The following SPMIP3 variants were observed in gnomAD, a reference collection of about 807,000 sequenced individuals.
The protein encoded by SPMIP3 is sperm microtubule inner protein 3, also known as protein SPMIP3.
chr1:244,388,846 C>T, the SPMIP3 span: 1 of 860,846 alleles, frequency 1.2e-6, no homozygotes. Flanking sequence ...TGTCTTAAAC[C>T]CCAAAAGTTA....
the SPMIP3 span, among the ~76,000 whole-genome samples, chr1:244,362,843 CTTTT>C: frequency 2.6e-5 from 3 of 117,562 alleles, no homozygotes; most frequent in Admixed American, 9.7e-5. Flanking sequence ...TCCCTGTGAA[CTTTT>C]TTTTTTTTTT....
chr1:244,386,541 T>A, the SPMIP3 span, among the ~76,000 whole-genome samples: 12,741 of 152,234 alleles, frequency 0.084, 1,146 homozygotes, highest in East Asian at 0.42. Context: ...CCTGCAAGGA[T>A]CATGAGGAGT....
At chr1:244,370,739 C>G in the SPMIP3 span, among the ~76,000 whole-genome samples, 6,557 of 152,232 alleles carry the variant, frequency 0.043, 174 homozygotes, top group Non-Finnish European at 0.061. Context: ...CTTATTAAAA[C>G]AAATCATCAC....
the SPMIP3 span, among the ~76,000 whole-genome samples, chr1:244,354,452 T>G: frequency 2.0e-5 from 3 of 151,448 alleles, no homozygotes; most frequent in Non-Finnish European, 4.4e-5. Context: ...CACCTCCTGG[T>G]TCAAACGATT....
At chr1:244,365,456 T>C in the SPMIP3 span, among the ~76,000 whole-genome samples, 1 of 152,344 alleles carries the variant, frequency 6.6e-6, no homozygotes, top group East Asian at 1.9e-4. Flanking sequence ...CCTGCCGCCA[T>C]GGAAGACATG....
At chr1:244,367,137 A>G in the SPMIP3 span, among the ~76,000 whole-genome samples, 3 of 152,086 alleles carry the variant, frequency 2.0e-5, no homozygotes, top group Non-Finnish European at 4.4e-5. Flanking sequence ...TGATTCATGA[A>G]AGAAGCCATG....
the SPMIP3 span, among the ~76,000 whole-genome samples, chr1:244,381,230 A>G: frequency 4.2e-3 from 642 of 152,194 alleles, 5 homozygotes; most frequent in African/African-American, 0.014. Flanking sequence ...GAAAGCATCA[A>G]TGGGGTTCCG....
chr1:244,374,760 C>G, the SPMIP3 span, among the ~76,000 whole-genome samples: 1 of 150,444 alleles, frequency 6.6e-6, no homozygotes, highest in African/African-American at 2.4e-5. Context: ...CCACGTCCAG[C>G]TTTTTTTTTG....
chr1:244,374,590 T>C, the SPMIP3 span, among the ~76,000 whole-genome samples: 1 of 115,038 alleles, frequency 8.7e-6, no homozygotes, highest in African/African-American at 4.0e-5. Flanking sequence ...CATTTCTCTT[T>C]TTTTTTTTTT....
At chr1:244,377,123 A>AT in the SPMIP3 span, among the ~76,000 whole-genome samples, 211 of 145,628 alleles carry the variant, frequency 1.4e-3, 1 homozygote, top group East Asian at 0.021. Context: ...GCATCACTTT[A>AT]TTTTTATTTT....
At chr1:244,354,305 A>T in the SPMIP3 span, among the ~76,000 whole-genome samples, 1 of 151,670 alleles carries the variant, frequency 6.6e-6, no homozygotes, top group Admixed American at 6.6e-5. Flanking sequence ...TTTGCTAAGT[A>T]ACTGTTACTG....
At chr1:244,354,697 T>C in the SPMIP3 span, among the ~76,000 whole-genome samples, 144 of 152,330 alleles carry the variant, frequency 9.5e-4, no homozygotes, top group African/African-American at 3.4e-3. Flanking sequence ...TTTCCTATCA[T>C]AAAAAGAGAT....
the SPMIP3 span, among the ~76,000 whole-genome samples, chr1:244,370,494 C>T: frequency 6.6e-6 from 1 of 152,192 alleles, no homozygotes; most frequent in Non-Finnish European, 1.5e-5. Flanking sequence ...CTTTCCTGAC[C>T]AGATTATGAA....
chr1:244,362,100 T>C, the SPMIP3 span, among the ~76,000 whole-genome samples: 1 of 152,252 alleles, frequency 6.6e-6, no homozygotes, highest in Non-Finnish European at 1.5e-5. Flanking sequence ...TATTCCATTA[T>C]AGTGTAATGC....
chr1:244,369,592 G>A, the SPMIP3 span, among the ~76,000 whole-genome samples: 6 of 152,174 alleles, frequency 3.9e-5, no homozygotes, highest in South Asian at 2.1e-4. Context: ...AGAGGGAGTC[G>A]CAGTGGGTCT....
the SPMIP3 span, among the ~76,000 whole-genome samples, chr1:244,360,507 TATACAC>T: frequency 0.026 from 336 of 12,860 alleles, 7 homozygotes; most frequent in Admixed American, 0.1. Context: ...GAAAACGTGA[TATACAC>T]ACACACACAC....
At chr1:244,356,291 G>C in the SPMIP3 span, among the ~76,000 whole-genome samples, 12 of 152,192 alleles carry the variant, frequency 7.9e-5, no homozygotes, top group South Asian at 2.5e-3. Context: ...ATCAGATTGA[G>C]AAGGTTCCCC....
At chr1:244,372,277 C>G in the SPMIP3 span, among the ~76,000 whole-genome samples, 1 of 152,140 alleles carries the variant, frequency 6.6e-6, no homozygotes, top group East Asian at 1.9e-4. Context: ...GCTTCTTAGT[C>G]AGCTTTGTAT....
At chr1:244,377,312 G>A in the SPMIP3 span, among the ~76,000 whole-genome samples, 14 of 151,968 alleles carry the variant, frequency 9.2e-5, no homozygotes, top group Admixed American at 2.0e-4. Flanking sequence ...TTTTAGTAGA[G>A]ATGGGGTTTC....
Sources: allele counts gnomAD v4.1 joint callset (sites outside exome capture counted in the v4.1 genomes callset), GRCh38; gene constraint gnomAD v4.1.1; transcripts MANE v1.5; gene names NCBI Gene and HGNC (gene_info 2026-07-23, HGNC 2026-07-21).